Variants in TATDN2 observed in about 807,000 individuals in gnomAD.
The protein encoded by TATDN2 is 3'-5' RNA nuclease TATDN2.
In TATDN2, 44 loss-of-function variants were observed where a neutral mutation model predicts 60.3. The observed-to-expected ratio is 0.73, with a 90% confidence interval of 0.57 to 0.94. The LOEUF is 0.94. Among genes scored for constraint, TATDN2 ranks in the 40% least tolerant of loss-of-function variants. The pLI is 0.00. For synonymous variants in TATDN2, 399 were observed against 355.8 expected, an observed-to-expected ratio of 1.12 and a Z score of -1.37; for missense variants, 997 against 948.0, an observed-to-expected ratio of 1.05 and a Z score of -0.68.
In TATDN2 at chr3:10,274,989, A is replaced by ATTT. The variant is rs34892858; in HGVS notation, c.1834-1356_1834-1354dup. 4.9e-3 allele frequency among the ~76,000 whole-genome samples: 671 copies of ATTT among 136,242 alleles called. 20 individuals carry two copies. The East Asian group carries it at 0.068, about 14-fold the overall frequency. The allele number at this position is 136,242 out of a possible 152,430, so 89.4% of individuals were successfully genotyped here. On this transcript the variant is annotated intron_variant, in intron 4 of 7. Transcript: ENST00000448281. Reference sequence around the variant, plus strand: ...GAGGTAATTTGCTTATAATGAATTAATTTTTTTTTTTTTTTTTTGGAGACA... The same window carrying ATTT: ...GAGGTAATTTGCTTATAATGAATTAATTTTTTTTTTTTTTTTTTTTTGGAGACA...
chr3:10,250,133 T>C (rs1172182923), intron 2 of TATDN2, among the ~76,000 whole-genome samples: 1 of 152,050 alleles, frequency 6.6e-6, no homozygotes, highest in African/African-American at 2.4e-5. Context: ...AAAGTCATAG[T>C]TTCCAGCATG....
intron 2 of TATDN2, among the ~76,000 whole-genome samples, chr3:10,256,423 G>A (rs867152505): frequency 6.6e-6 from 1 of 151,744 alleles, no homozygotes; most frequent in African/African-American, 2.4e-5. Context: ...TGATCCTCCT[G>A]CCTTGGCCTC....
At chr3:10,273,541 A>G (rs1477318286) in intron 4 of TATDN2, among the ~76,000 whole-genome samples, 1 of 151,822 alleles carries the variant, frequency 6.6e-6, no homozygotes, top group African/African-American at 2.4e-5. Context: ...AGATTGCTTG[A>G]GCCTAGGAGT....
At chr3:10,258,572 C>A (rs561664293) in intron 2 of TATDN2, among the ~76,000 whole-genome samples, 4 of 151,550 alleles carry the variant, frequency 2.6e-5, no homozygotes, top group Admixed American at 6.6e-5. Flanking sequence ...CCGATTCAAG[C>A]GATTCTTTGC....
Position 10,270,216 on chromosome 3 carries a change from C to T in TATDN2, c.1034C>T (p.Ser345Phe). The change falls in exon 4 of 8, where the codon TCT becomes TTT. Residue 345 changes from serine to phenylalanine, a missense_variant. By Grantham distance (155) the Ser-to-Phe change is radical. Transcript: ENST00000448281. ...DVEEISTVRF[S>F]QEEPVSLKPS... ...GAGGAGATCTCCACAGTCAGATTCT[C>T]TCAGGAGGAACCTGTCTCCCTGAAA... 1 of 1,614,228 alleles carries T rather than the reference C, an allele frequency of 6.2e-7. No individual in the cohort carries two copies. The highest frequency in any genetic ancestry group is 8.5e-7 in the Non-Finnish European group (1 of 1,180,042).
chr3:10,262,320 C>T (rs961036445), intron 3 of TATDN2, among the ~76,000 whole-genome samples: 1 of 152,108 alleles, frequency 6.6e-6, no homozygotes, highest in Non-Finnish European at 1.5e-5. Flanking sequence ...GTTCTTCTTC[C>T]TTGGTTTACT....
chr3:10,271,353 C>T (rs1230843835), intron 4 of TATDN2, among the ~76,000 whole-genome samples: 2 of 152,140 alleles, frequency 1.3e-5, no homozygotes, highest in Non-Finnish European at 2.9e-5. Flanking sequence ...GCTCTTTTGC[C>T]CAGGCTTTGG....
rs781590017 is a variant in TATDN2 at position 10,274,678 on chromosome 3, C to T, written c.1834-1683C>T. Among the ~76,000 whole-genome samples, 125 of 152,182 alleles carry T rather than the reference C, an allele frequency of 8.2e-4. 2 individuals are homozygous for T. Among genetic ancestry groups the T allele is most frequent in the Non-Finnish European group, 1.2e-3 (79 of 68,034 alleles). On this transcript the variant is annotated intron_variant, in intron 4 of 7. Coordinates refer to ENST00000448281, the MANE Select transcript of TATDN2 (RefSeq NM_014760.4). ...CTCCAGCCACCTATTGATAGTGGAA[C>T]TGGCCAGGCTTTAGATAAAGCCTCT...
intron 4 of TATDN2, among the ~76,000 whole-genome samples, chr3:10,272,508 G>A (rs1576015490): frequency 1.3e-5 from 2 of 148,718 alleles, no homozygotes; most frequent in Non-Finnish European, 3.0e-5. Context: ...GCATGATATT[G>A]GCTCACTGCA....
In TATDN2 at chr3:10,278,319, C is replaced by T; in HGVS notation, c.2002C>T (p.Leu668=). The change falls in exon 6 of 8, where the codon CTG becomes TTG. Residue 668 remains leucine, a synonymous_variant. Coordinates refer to ENST00000448281, the MANE Select transcript of TATDN2 (RefSeq NM_014760.4). The surrounding 1 kb of genome is among the most constrained non-coding windows in gnomAD (Gnocchi z 4.7). The part of the protein sequence containing the change: ...TGSYPVIEPL[L]KYFPNMSVGF... ...CAGCTACCCGGTCATTGAGCCCCTG[C>T]TGAAGTACTTTCCCAACATGTCTGT... is the stretch of plus-strand genomic sequence containing the variant. The T allele has an allele frequency of 6.2e-7, 1 of 1,614,180 alleles. No homozygotes were observed. The highest frequency in any genetic ancestry group is 8.5e-7 in the Non-Finnish European group (1 of 1,180,024).
Position 10,260,515 on chromosome 3 carries a change from C to A in TATDN2, c.793C>A (p.Pro265Thr). 6.2e-7 allele frequency: 1 copy of A among 1,614,044 alleles called. No homozygotes were observed. The highest frequency in any genetic ancestry group is 8.5e-7 in the Non-Finnish European group (1 of 1,179,958). ...CAGCATGGAGGAGGATAAGACAGTGCCAGAGAGGAGCAGCTTCTATGACAG... is the reference window on the plus strand; with the variant it reads ...CAGCATGGAGGAGGATAAGACAGTGACAGAGAGGAGCAGCTTCTATGACAG... ...EVSMEEDKTV[P>T]ERSSFYDRRV... The change falls in exon 3 of 8, where the codon CCA becomes ACA. Residue 265 changes from proline (P) to threonine (T), a missense_variant. Coordinates refer to ENST00000448281, the MANE Select transcript of TATDN2 (RefSeq NM_014760.4).
Position 10,278,698 on chromosome 3 carries a change from A to G in TATDN2, c.2146-187A>G. On this transcript the variant is annotated intron_variant, in intron 6 of 7. Coordinates refer to ENST00000448281, the MANE Select transcript of TATDN2 (RefSeq NM_014760.4). The surrounding 1 kb of genome is among the most constrained non-coding windows in gnomAD (Gnocchi z 4.7). ...AGCCCTACCCTGTAGAGGGTAGTCCAAGGAAGCGTGGGACCCTGCTCACCC... is the reference window on the plus strand; with the variant it reads ...AGCCCTACCCTGTAGAGGGTAGTCCGAGGAAGCGTGGGACCCTGCTCACCC... 1 of 1,030,584 alleles carries G rather than the reference A, an allele frequency of 9.7e-7. No individual in the cohort carries two copies. The highest frequency in any genetic ancestry group is 1.5e-6 in the Non-Finnish European group (1 of 683,902). 63.8% of individuals were successfully genotyped at this position (1,030,584 alleles called of 1,614,324 possible). A position where few individuals can be genotyped will look rare whatever the true frequency, so the allele number is the denominator to read the frequency against.
At chr3:10,263,127 C>A (rs2125175914) in intron 3 of TATDN2, among the ~76,000 whole-genome samples, 1 of 151,856 alleles carries the variant, frequency 6.6e-6, no homozygotes, top group South Asian at 2.1e-4. Flanking sequence ...TGTCGAACTC[C>A]TGACCTCATG....
At chr3:10,272,184 A>G (rs539786280) in intron 4 of TATDN2, among the ~76,000 whole-genome samples, 1 of 151,092 alleles carries the variant, frequency 6.6e-6, no homozygotes, top group Non-Finnish European at 1.5e-5. Context: ...AGCTCACTGC[A>G]GCCTTGACCT....
chr3:10,255,365 G>C (rs1002866802), intron 2 of TATDN2, among the ~76,000 whole-genome samples: 2 of 152,106 alleles, frequency 1.3e-5, no homozygotes, highest in Admixed American at 1.3e-4. Context: ...TGGCTTCCAG[G>C]ATGTTAGGGA....
chr3:10,274,895 T>C (rs1049925038), intron 4 of TATDN2, among the ~76,000 whole-genome samples: 5 of 152,352 alleles, frequency 3.3e-5, no homozygotes, highest in African/African-American at 1.2e-4. Flanking sequence ...ATCTCATTGT[T>C]TGATGCTGAA....
At chr3:10,255,196 G>C (rs769305033) in intron 2 of TATDN2, among the ~76,000 whole-genome samples, 15 of 147,896 alleles carry the variant, frequency 1.0e-4, no homozygotes, top group Non-Finnish European at 2.2e-4. Flanking sequence ...ATTTTTTGTA[G>C]AGAGGGGTTT....
chr3:10,256,171 T>A (rs1698305326), intron 2 of TATDN2, among the ~76,000 whole-genome samples: 1 of 147,052 alleles, frequency 6.8e-6, no homozygotes, highest in African/African-American at 2.5e-5. Flanking sequence ...ATTACTATTA[T>A]TTTTTTTTTT....
At chr3:10,267,546 A>G (rs775513837) in intron 3 of TATDN2, among the ~76,000 whole-genome samples, 1 of 152,204 alleles carries the variant, frequency 6.6e-6, no homozygotes, top group African/African-American at 2.4e-5. Flanking sequence ...CTTCGTCTCT[A>G]TAGATTCATC....
Sources: gnomAD v4.1 joint callset for allele counts (sites outside exome capture counted in the v4.1 genomes callset) on GRCh38, gnomAD v4.1.1 for gene constraint, Gnocchi (gnomAD v3.1) non-coding constraint, MANE v1.5 for transcripts, NCBI Gene and HGNC (gene_info 2026-07-23, HGNC 2026-07-21) for gene names.